FRK: variants seen among roughly 807,000 people sequenced by gnomAD.
FRK encodes the protein fyn related Src family tyrosine kinase.
In FRK, 51 loss-of-function variants were observed where a neutral mutation model predicts 56.4. The observed-to-expected ratio is 0.90, with a 90% CI of 0.72 to 1.14. FRK has a LOEUF of 1.14. FRK is among the 50% of genes most tolerant of loss of function. The pLI is 0.00. For synonymous variants in FRK, 245 were observed against 217.9 expected (o/e 1.12, Z -1.10); for missense variants, 570 against 601.4 (o/e 0.95, Z 0.55).
chr6:115,977,529 G>A (rs116932732), intron 2 of FRK, among the ~76,000 whole-genome samples: 26 of 152,274 alleles, frequency 1.7e-4, no homozygotes, highest in Middle Eastern at 3.4e-3. Flanking sequence ...CATTAAGGAA[G>A]TGTCTATATT....
At chr6:115,954,888 A>G (rs1009909300) in intron 5 of FRK, among the ~76,000 whole-genome samples, 2 of 152,184 alleles carry the variant, frequency 1.3e-5, no homozygotes, top group African/African-American at 4.8e-5. Flanking sequence ...GAACTGAGCC[A>G]CCAGCCAACC....
At chr6:116,057,636 G>T (rs1777449903) in intron 1 of FRK, among the ~76,000 whole-genome samples, 1 of 152,158 alleles carries the variant, frequency 6.6e-6, no homozygotes, top group African/African-American at 2.4e-5. Context: ...TATTCCAGTG[G>T]ATGTGAAGAT....
At chr6:116,063,485 T>C (rs184149488), upstream of FRK, among the ~76,000 whole-genome samples, 1 of 151,682 alleles carries the variant, frequency 6.6e-6, no homozygotes, top group East Asian at 1.9e-4. Flanking sequence ...TTCTGACTTA[T>C]ATGTGGAAGC....
At chr6:116,043,426 A>G (rs1387185711) in intron 1 of FRK, among the ~76,000 whole-genome samples, 1 of 152,218 alleles carries the variant, frequency 6.6e-6, no homozygotes. Flanking sequence ...ACTCAGGATT[A>G]AGAAACTTAC....
Position 116,039,192 on chromosome 6 carries a change from A to G in FRK, c.344+20776T>C, listed in dbSNP as rs1023689534. 7 of 1,345,772 alleles carry G rather than the reference A, an allele frequency of 5.2e-6. No homozygotes were observed. In the African/African-American group the frequency reaches 7.2e-5, roughly 14 times the overall value. The allele number at this position is 1,345,772 out of a possible 1,614,324, so 83.4% of individuals were successfully genotyped here. A position where few individuals can be genotyped will look rare whatever the true frequency, so the allele number is the denominator to read the frequency against. ...CTGAGAAGTTTGTTTTCGAGAAGAA[A>G]GAGGTCATCGCAGATAACGTGAAGG... On this transcript the variant is annotated intron_variant, in intron 1 of 7. Coordinates refer to ENST00000606080, the MANE Select transcript of FRK (RefSeq NM_002031.3).
rs76346260 is a variant in FRK, at chr6:115,986,296, A to G, written c.467-17557T>C. 2.8e-3 allele frequency among the ~76,000 whole-genome samples: 419 copies of G among 152,238 alleles called. 4 individuals are homozygous for G. The highest frequency in any genetic ancestry group is 9.7e-3 in the African/African-American group (404 of 41,548). On this transcript the variant is annotated intron_variant, in intron 2 of 7. Transcript: ENST00000606080. Reference sequence around the variant, plus strand: ...GCCATGAGAAACCCATGACTCACATAGCAGCAGCTCCTTTAGCCTGAGTTC... The same window carrying G: ...GCCATGAGAAACCCATGACTCACATGGCAGCAGCTCCTTTAGCCTGAGTTC...
At chr6:116,054,793 G>A (rs1039790239) in intron 1 of FRK, among the ~76,000 whole-genome samples, 5 of 151,610 alleles carry the variant, frequency 3.3e-5, no homozygotes, top group Non-Finnish European at 4.4e-5. Flanking sequence ...GGAACTGATC[G>A]CACACTGGTG....
chr6:115,996,459 T>C (rs1388062464), intron 2 of FRK, among the ~76,000 whole-genome samples: 1 of 152,130 alleles, frequency 6.6e-6, no homozygotes, highest in African/African-American at 2.4e-5. Flanking sequence ...AGGGTCATAC[T>C]AACAAGTGAT....
chr6:116,082,348 A>G, the FRK span, among the ~76,000 whole-genome samples: 2 of 152,210 alleles, frequency 1.3e-5, no homozygotes. Context: ...TTTTATGCTT[A>G]AAGAAGCTCT....
rs1158550387 is a variant in FRK, at chr6:115,940,279, G to GCGGAAAACTAGCTAGCCATATT, written c.*2134_*2135insAATATGGCTAGCTAGTTTTCCG. 1 of 152,180 alleles carries GCGGAAAACTAGCTAGCCATATT rather than the reference G, an allele frequency of 6.6e-6. No individual in the cohort carries two copies. The highest frequency in any genetic ancestry group is 1.5e-5 in the Non-Finnish European group (1 of 68,038). 9.4% of individuals were successfully genotyped at this position (152,180 alleles called of 1,614,324 possible). On this transcript the variant is annotated 3_prime_UTR_variant, in exon 8 of 8. Coordinates refer to ENST00000606080, the MANE Select transcript of FRK (RefSeq NM_002031.3). The stretch of plus-strand genomic sequence containing the variant: ...TGTTGGGAAAACTAGCTAGCCATAT[G>GCGGAAAACTAGCTAGCCATATT]CAGAAAACTGAAACTGGACCCCTTC...
At chr6:115,958,291 C>G (rs113946339) in intron 4 of FRK, among the ~76,000 whole-genome samples, 1 of 119,756 alleles carries the variant, frequency 8.4e-6, no homozygotes. Flanking sequence ...CCACCCCCCC[C>G]AAAAAAGAAG....
intron 1 of FRK, among the ~76,000 whole-genome samples, chr6:116,028,697 A>G (rs896490948): frequency 6.6e-6 from 1 of 151,956 alleles, no homozygotes; most frequent in Non-Finnish European, 1.5e-5. Flanking sequence ...TCCCCTTTAT[A>G]TAAGTACATA....
In FRK at chr6:115,956,503, A is replaced by T; in HGVS notation, c.907T>A (p.Tyr303Asn). 1 of 1,584,780 alleles carries T rather than the reference A, an allele frequency of 6.3e-7. No individual in the cohort carries two copies. The highest frequency in any genetic ancestry group is 8.6e-7 in the Non-Finnish European group (1 of 1,165,790). ...TGTCTCATCAACTCTGTAATAATAT[A>T]AATTGGATCTTCTAAAGTGCAAACA... ...YAVCTLEDPI[Y>N]IITELMRHGS... The change falls in exon 5 of 8, where the codon TAT becomes AAT. Residue 303 changes from tyrosine to asparagine, a missense_variant. By Grantham distance (143) the Tyr-to-Asn change is moderately radical. Coordinates refer to ENST00000606080, the MANE Select transcript of FRK (RefSeq NM_002031.3).
At chr6:115,991,865 G>C in intron 2 of FRK, among the ~76,000 whole-genome samples, 1 of 151,432 alleles carries the variant, frequency 6.6e-6, no homozygotes, top group Non-Finnish European at 1.5e-5. Flanking sequence ...TTCTTTGTAT[G>C]TCTAGTATAA....
rs937891641 is a variant in FRK, at chr6:115,941,591, C to T, written c.*823G>A. The T allele has an allele frequency of 3.9e-5, 6 of 152,142 alleles. No individual in the cohort carries two copies. The highest frequency in any genetic ancestry group is 4.8e-5 in the African/African-American group (2 of 41,434). 9.4% of individuals were successfully genotyped at this position (152,142 alleles called of 1,614,324 possible). A position where few individuals can be genotyped will look rare whatever the true frequency, so the allele number is the denominator to read the frequency against. ...ACTCAGAAGTCTAGGCCACAGCAAT[C>T]CTACTGTTCTCCTCTCATTTTCCTA... On this transcript the variant is annotated 3_prime_UTR_variant, in exon 8 of 8. Coordinates refer to ENST00000606080, the MANE Select transcript of FRK (RefSeq NM_002031.3).
intron 5 of FRK, among the ~76,000 whole-genome samples, chr6:115,949,001 T>TA (rs1772587207): frequency 6.6e-6 from 1 of 152,214 alleles, no homozygotes; most frequent in African/African-American, 2.4e-5. Context: ...TGAAGGAAGT[T>TA]TCCTTGTAAG....
the FRK span, among the ~76,000 whole-genome samples, chr6:116,091,572 C>T: frequency 2.6e-5 from 4 of 152,180 alleles, no homozygotes; most frequent in African/African-American, 9.7e-5. Flanking sequence ...ATTTTGGCAA[C>T]CATGAAGGGA....
At chr6:115,952,108 G>A (rs539776877) in intron 5 of FRK, among the ~76,000 whole-genome samples, 27 of 151,976 alleles carry the variant, frequency 1.8e-4, no homozygotes, top group African/African-American at 5.8e-4. Flanking sequence ...AGTAGGTTGC[G>A]AAAATTTTCT....
At chr6:116,013,749 G>T (rs553151635) in intron 1 of FRK, among the ~76,000 whole-genome samples, 1 of 152,182 alleles carries the variant, frequency 6.6e-6, no homozygotes, top group African/African-American at 2.4e-5. Context: ...CAGTCCCAAA[G>T]ACCAAAGACC....
Sources: allele counts gnomAD v4.1 joint callset (sites outside exome capture counted in the v4.1 genomes callset), GRCh38; gene constraint gnomAD v4.1.1; transcripts MANE v1.5; gene names NCBI Gene and HGNC (gene_info 2026-07-23, HGNC 2026-07-21).